The following ANO2 variants were observed in gnomAD, a reference collection of about 807,000 sequenced individuals.
ANO2 encodes the protein anoctamin-2.
A neutral mutation model predicts 124.2 loss-of-function variants in ANO2; 101 were observed. That is an observed-to-expected ratio of 0.81 (90% CI 0.69 to 0.96). ANO2 has a LOEUF of 0.96. Among genes scored for constraint, ANO2 ranks in the 40% least tolerant of loss-of-function variants. The pLI is 0.00. For synonymous variants in ANO2, 486 were observed against 482.5 expected (o/e 1.01, Z -0.09); for missense variants, 1,293 against 1,274.5 (o/e 1.01, Z -0.22).
chr12:5,623,066 A>G (rs1393746015), intron 16 of ANO2, among the ~76,000 whole-genome samples: 2 of 151,924 alleles, frequency 1.3e-5, no homozygotes, highest in Non-Finnish European at 2.9e-5. Context: ...GTGACATCTG[A>G]GGTTCAGGAA....
intron 14 of ANO2, among the ~76,000 whole-genome samples, chr12:5,689,202 C>A (rs962988226): frequency 1.4e-4 from 22 of 151,976 alleles, no homozygotes; most frequent in South Asian, 2.1e-4. Context: ...AGGTTGGTAC[C>A]AAAAGCAAGG....
chr12:5,898,632 C>G (rs1939958860), intron 3 of ANO2, among the ~76,000 whole-genome samples: 1 of 152,150 alleles, frequency 6.6e-6, no homozygotes, highest in East Asian at 1.9e-4. Context: ...AAGCCAGACA[C>G]AAAATACATA....
At chr12:5,819,106 C>A (rs1280790579) in intron 7 of ANO2, among the ~76,000 whole-genome samples, 1 of 152,128 alleles carries the variant, frequency 6.6e-6, no homozygotes, top group East Asian at 1.9e-4. Context: ...AAAGTCAGGG[C>A]ATTGATTGCA....
chr12:5,656,824 C>T (rs746968392), intron 14 of ANO2, among the ~76,000 whole-genome samples: 37 of 152,250 alleles, frequency 2.4e-4, no homozygotes, highest in Non-Finnish European at 4.8e-4. Context: ...GCATGCAGGG[C>T]ATGGCCTAGA....
intron 9 of ANO2, among the ~76,000 whole-genome samples, chr12:5,805,566 A>G (rs1229749988): frequency 2.6e-5 from 4 of 152,214 alleles, no homozygotes; most frequent in African/African-American, 4.8e-5. Flanking sequence ...GGAAAGAAGA[A>G]TCACCTAAAG....
At chr12:5,921,933 C>A (rs1168142442) in intron 2 of ANO2, among the ~76,000 whole-genome samples, 1 of 152,162 alleles carries the variant, frequency 6.6e-6, no homozygotes, top group African/African-American at 2.4e-5. Context: ...TATATTTAAA[C>A]ACAGAATACT....
chr12:5,616,107 C>T (rs185924902), intron 16 of ANO2, among the ~76,000 whole-genome samples: 12 of 152,268 alleles, frequency 7.9e-5, no homozygotes, highest in Non-Finnish European at 1.3e-4. Flanking sequence ...CCAAGGGACT[C>T]CACAGACAGT....
At chr12:5,770,738 A>C (rs1321130707) in intron 10 of ANO2, among the ~76,000 whole-genome samples, 1 of 152,170 alleles carries the variant, frequency 6.6e-6, no homozygotes, top group Non-Finnish European at 1.5e-5. Flanking sequence ...TTCTGACTTT[A>C]TATCACAGGT....
At chr12:5,682,030 C>G (rs1341476467) in intron 14 of ANO2, among the ~76,000 whole-genome samples, 1 of 152,144 alleles carries the variant, frequency 6.6e-6, no homozygotes. Flanking sequence ...CCAGTTTCTT[C>G]TCTTTAATCA....
intron 1 of ANO2, among the ~76,000 whole-genome samples, chr12:5,937,840 TCAGGGAC>T (rs1942718379): frequency 6.6e-6 from 1 of 152,168 alleles, no homozygotes; most frequent in Non-Finnish European, 1.5e-5. Context: ...TTAGTGTTCT[TCAGGGAC>T]CATCCAGAGT....
At chr12:5,939,404 C>G (rs57613282) in intron 1 of ANO2, among the ~76,000 whole-genome samples, 1 of 151,996 alleles carries the variant, frequency 6.6e-6, no homozygotes, top group Non-Finnish European at 1.5e-5. Context: ...GAGCACCTAC[C>G]GTGTGTCAGG....
chr12:5,856,766 G>A (rs1199950152), intron 3 of ANO2: 2 of 152,152 alleles, frequency 1.3e-5, no homozygotes, highest in East Asian at 1.9e-4. Flanking sequence ...AGATTTTTAC[G>A]TGAAAGATAG....
At chr12:5,733,716 G>A (rs1950740577) in intron 13 of ANO2, among the ~76,000 whole-genome samples, 1 of 152,182 alleles carries the variant, frequency 6.6e-6, no homozygotes, top group Non-Finnish European at 1.5e-5. Context: ...ACAACTGCAG[G>A]CGGTGCCATT....
intron 20 of ANO2, among the ~76,000 whole-genome samples, chr12:5,588,566 G>A (rs937931012): frequency 2.6e-5 from 4 of 152,158 alleles, no homozygotes; most frequent in African/African-American, 4.8e-5. Context: ...ACTGGAAGGC[G>A]CCCTGAAGGT....
rs551502404 is a variant in ANO2 at position 5,678,859 on chromosome 12, T to C, written c.1546-31058A>G. Among the ~76,000 whole-genome samples, 340 of 152,308 alleles carry C rather than the reference T, an allele frequency of 2.2e-3. 1 individual carries two copies. The highest frequency in any genetic ancestry group is 3.5e-3 in the Non-Finnish European group (238 of 68,024). On this transcript the variant is annotated intron_variant, in intron 14 of 24. Transcript: ENST00000682330. ...TTGGCAGCAGGTATATCCGTGAAGATCTCAGGTGCCTAGCAAGGTTGGCTG... is the reference window on the plus strand; with the variant it reads ...TTGGCAGCAGGTATATCCGTGAAGACCTCAGGTGCCTAGCAAGGTTGGCTG...
intron 14 of ANO2, among the ~76,000 whole-genome samples, chr12:5,725,121 ACACG>A (rs1201467944): frequency 1.4e-5 from 2 of 143,320 alleles, no homozygotes; most frequent in East Asian, 4.2e-4. Flanking sequence ...ACACACACAC[ACACG>A]CAAACACAAT....
At chr12:5,599,390 G>A in intron 20 of ANO2, 94 bp downstream of exon 20, 1 of 1,416,950 alleles carries the variant, frequency 7.1e-7, no homozygotes, top group South Asian at 1.5e-5. Flanking sequence ...GGCTGTCCCA[G>A]TCATTTTCCC....
At chr12:5,887,314 T>C (rs1185036262) in intron 3 of ANO2, among the ~76,000 whole-genome samples, 1 of 152,190 alleles carries the variant, frequency 6.6e-6, no homozygotes, top group Non-Finnish European at 1.5e-5. Context: ...GTTAAATCTT[T>C]TGATATTAAA....
intron 11 of ANO2, among the ~76,000 whole-genome samples, chr12:5,744,788 A>G (rs977337586): frequency 6.6e-6 from 1 of 152,112 alleles, no homozygotes; most frequent in Non-Finnish European, 1.5e-5. Context: ...AACAAACACG[A>G]GTGTGTGGCT....
Sources: allele counts gnomAD v4.1 joint callset (sites outside exome capture counted in the v4.1 genomes callset), GRCh38; gene constraint gnomAD v4.1.1; transcripts MANE v1.5; gene names NCBI Gene and HGNC (gene_info 2026-07-23, HGNC 2026-07-21).